SRBD1: variants seen among roughly 807,000 people sequenced by gnomAD.
The protein encoded by SRBD1 is S1 RNA-binding domain-containing protein 1.
SRBD1 carries 88 observed loss-of-function variants against 115.3 expected under a neutral mutation model. That is an observed-to-expected ratio of 0.76 (90% CI 0.64 to 0.91). The LOEUF is 0.91. Among genes scored for constraint, SRBD1 ranks in the 40% least tolerant of loss-of-function variants. SRBD1 has a pLI of 0.00. For missense variants in SRBD1, 1,385 were observed against 1,177.4 expected (o/e 1.18, Z -2.58); for synonymous variants, 509 against 407.7 (o/e 1.25, Z -2.99).
intron 14 of SRBD1, among the ~76,000 whole-genome samples, chr2:45,542,681 A>C (rs898576269): frequency 1.3e-5 from 2 of 152,224 alleles, no homozygotes; most frequent in African/African-American, 4.8e-5. Flanking sequence ...ACCACACAAC[A>C]CAGACTTTCC....
chr2:45,599,522 C>G lies in SRBD1; in HGVS notation c.575G>C (p.Gly192Ala), dbSNP rs765635909. The change falls in exon 4 of 21, where the codon GGG becomes GCG. Residue 192 changes from glycine (G) to alanine (A), a missense_variant. Transcript: ENST00000263736. ...ATTTGCTGGAAACTTGACAGGCTGC[C>G]CCTGAGGATATGTCTCAGTCTTGAT... ...KKIKTETYPQ[G>A]QPVKFPANAN... is the part of the protein sequence containing the mutation. The G allele has an allele frequency of 6.2e-7, 1 of 1,614,190 alleles. No homozygotes were observed. The highest frequency in any genetic ancestry group is 1.1e-5 in the South Asian group (1 of 91,076).
At chr2:45,585,841 A>C (rs1235200124) in intron 4 of SRBD1, 67 bp from the exon 5 acceptor site, 1 of 1,266,448 alleles carries the variant, frequency 7.9e-7, no homozygotes, top group East Asian at 2.6e-5. Context: ...TGTATAATTT[A>C]AAACATAGTA....
chr2:45,585,642 AGGAATC>A lies in SRBD1; in HGVS notation c.775_780del (p.Asp259_Ser260del), dbSNP rs1244564147. ...TCTAGGGTTTGCTGAACTTCTCTCA[AGGAATC>A]AGCATCAAGGTTATTAATGAGCTCT... On this transcript the variant is annotated inframe_deletion, in exon 5 of 21. Coordinates refer to ENST00000263736, the MANE Select transcript of SRBD1 (RefSeq NM_018079.5). The A allele has an allele frequency of 6.2e-7, 1 of 1,611,358 alleles. No individual in the cohort carries two copies. The highest frequency in any genetic ancestry group is 1.3e-5 in the African/African-American group (1 of 74,696).
intron 19 of SRBD1, among the ~76,000 whole-genome samples, chr2:45,411,450 C>T (rs1296885765): frequency 6.6e-6 from 1 of 152,052 alleles, no homozygotes; most frequent in Non-Finnish European, 1.5e-5. Flanking sequence ...AAATACGATG[C>T]TGAAAGAAGC....
At chr2:45,548,076 CAATT>C (rs1672179191) in intron 12 of SRBD1, among the ~76,000 whole-genome samples, 2 of 150,832 alleles carry the variant, frequency 1.3e-5, no homozygotes, top group African/African-American at 4.9e-5. Context: ...ATATTTATAA[CAATT>C]AAATTTAAAA....
At chr2:45,424,973 CTT>C (rs1668109470) in intron 16 of SRBD1, among the ~76,000 whole-genome samples, 1 of 152,184 alleles carries the variant, frequency 6.6e-6, no homozygotes, top group Non-Finnish European at 1.5e-5. Flanking sequence ...GAAAAGCTAA[CTT>C]AGCGAGAATG....
intron 3 of SRBD1, 48 bp downstream of exon 3, chr2:45,601,855 A>C (rs1335752634): frequency 6.3e-7 from 1 of 1,588,778 alleles, no homozygotes; most frequent in East Asian, 2.2e-5. Context: ...TAACATCACC[A>C]ATCAGGAAGA....
chr2:45,437,284 A>G (rs956300709), intron 16 of SRBD1, among the ~76,000 whole-genome samples: 1 of 152,062 alleles, frequency 6.6e-6, no homozygotes, highest in African/African-American at 2.4e-5. Context: ...GAATGAAGTC[A>G]AAGAACTGAC....
chr2:45,456,268 T>C (rs958651643), intron 16 of SRBD1, among the ~76,000 whole-genome samples: 1 of 151,896 alleles, frequency 6.6e-6, no homozygotes, highest in Non-Finnish European at 1.5e-5. Flanking sequence ...TATTCTATGT[T>C]TTAAGATGAC....
intron 14 of SRBD1, among the ~76,000 whole-genome samples, chr2:45,493,124 T>C (rs962714371): frequency 1.3e-5 from 2 of 152,200 alleles, no homozygotes; most frequent in Non-Finnish European, 2.9e-5. Flanking sequence ...CTATGCCAAA[T>C]GCCTAGCTCA....
At chr2:45,427,258 C>T (rs1012053360) in intron 16 of SRBD1, among the ~76,000 whole-genome samples, 6 of 151,968 alleles carry the variant, frequency 3.9e-5, no homozygotes, top group Admixed American at 6.6e-5. Flanking sequence ...ATAGCCGAAT[C>T]GATCAGGTGG....
Position 45,422,788 on chromosome 2 carries a change from G to C in SRBD1, c.2050-2894C>G, listed in dbSNP as rs151200025. Among the ~76,000 whole-genome samples, 1,249 of 152,272 alleles carry C rather than the reference G, an allele frequency of 8.2e-3. 11 individuals are homozygous for C. The highest frequency in any genetic ancestry group is 0.015 in the African/African-American group (616 of 41,548). On this transcript the variant is annotated intron_variant, in intron 16 of 20. Transcript: ENST00000263736. Reference sequence around the variant, plus strand: ...AACCAAGTTTAGTTAAAAACTTTCAGTGTATTTTTCAGAAAGAATGTTATT... The same window carrying C: ...AACCAAGTTTAGTTAAAAACTTTCACTGTATTTTTCAGAAAGAATGTTATT...
intron 16 of SRBD1, among the ~76,000 whole-genome samples, chr2:45,438,618 AAAAT>A (rs1668570516): frequency 6.8e-6 from 1 of 147,152 alleles, no homozygotes; most frequent in Admixed American, 6.8e-5. Context: ...TTGGAGTAGA[AAAAT>A]AAATAAATCA....
intron 12 of SRBD1, among the ~76,000 whole-genome samples, chr2:45,550,493 C>CAA (rs3064241): frequency 0.44 from 58,915 of 135,172 alleles, 12,795 homozygotes; most frequent in Non-Finnish European, 0.49. Flanking sequence ...TTACAGTAGC[C>CAA]AAAAAAAAAA....
intron 16 of SRBD1, among the ~76,000 whole-genome samples, chr2:45,429,583 A>G (rs2103668864): frequency 6.6e-6 from 1 of 152,336 alleles, no homozygotes; most frequent in South Asian, 2.1e-4. Flanking sequence ...GGCCTTTGAT[A>G]AAATTCAACA....
intron 16 of SRBD1, among the ~76,000 whole-genome samples, chr2:45,435,789 TA>T (rs1308027226): frequency 2.0e-5 from 3 of 152,152 alleles, no homozygotes; most frequent in Admixed American, 6.5e-5. Flanking sequence ...TTTTAAAAAA[TA>T]ATCCTTACTC....
chr2:45,561,688 T>C (rs1408885545), intron 10 of SRBD1, among the ~76,000 whole-genome samples: 3 of 152,184 alleles, frequency 2.0e-5, no homozygotes, highest in Non-Finnish European at 4.4e-5. Flanking sequence ...ACCAACTAAA[T>C]AGATTTTTGT....
At chr2:45,456,422 TA>T (rs999134507) in intron 16 of SRBD1, among the ~76,000 whole-genome samples, 7 of 151,710 alleles carry the variant, frequency 4.6e-5, no homozygotes, top group African/African-American at 9.7e-5. Flanking sequence ...TAAGTGATGG[TA>T]AAAAAAACTT....
chr2:45,586,517 C>T (rs10176388), intron 4 of SRBD1, among the ~76,000 whole-genome samples: 5 of 151,994 alleles, frequency 3.3e-5, no homozygotes, highest in East Asian at 1.9e-4. Flanking sequence ...TGCACAAATA[C>T]AACATCTTCA....
Sources: allele counts gnomAD v4.1 joint callset (sites outside exome capture counted in the v4.1 genomes callset), GRCh38; gene constraint gnomAD v4.1.1; transcripts MANE v1.5; gene names NCBI Gene and HGNC (gene_info 2026-07-23, HGNC 2026-07-21).